The following SLCO1B3 variants were observed in gnomAD, a reference collection of about 807,000 sequenced individuals.
SLCO1B3 encodes liver-specific organic anion transporter 2.
Under a neutral mutation model 71.8 loss-of-function variants are expected in SLCO1B3, and 72 were observed. The observed-to-expected ratio is 1.00, with a 90% CI of 0.83 to 1.22. The LOEUF (loss-of-function observed/expected upper bound fraction) is 1.22. SLCO1B3 is among the 50% of genes most tolerant of loss of function. The pLI is 0.00. For synonymous variants in SLCO1B3, 298 were observed against 278.4 expected, an observed-to-expected ratio of 1.07 and a Z score of -0.70; for missense variants, 911 against 819.7, an observed-to-expected ratio of 1.11 and a Z score of -1.36.
chr12:20,820,109 T>TATGGAGGC (rs1348355046), intron 3 of SLCO1B3, among the ~76,000 whole-genome samples: 1 of 152,078 alleles, frequency 6.6e-6, no homozygotes, highest in African/African-American at 2.4e-5. Flanking sequence ...CCACAACAGT[T>TATGGAGGC]ATGGAGGCAA....
chr12:20,912,049 A>G lies in SLCO1B3; in HGVS notation c.1866-3955A>G, dbSNP rs1591794921. On this transcript the variant is annotated intron_variant, in intron 15 of 15. Transcript: ENST00000381545. ...TTAAGATATTCTTCATTTATCTCTAATTCTGCTTTCACTGCATCCATAACA... is the reference window on the plus strand; with the variant it reads ...TTAAGATATTCTTCATTTATCTCTAGTTCTGCTTTCACTGCATCCATAACA... 2.0e-5 allele frequency among the ~76,000 whole-genome samples: 3 copies of G among 152,246 alleles called. No individual in the cohort carries two copies. The East Asian group carries it at 5.8e-4, about 29-fold the overall frequency.
chr12:20,865,595 G>GT (rs1865357317), intron 8 of SLCO1B3, among the ~76,000 whole-genome samples: 1 of 152,008 alleles, frequency 6.6e-6, no homozygotes, highest in African/African-American at 2.4e-5. Context: ...CTTATACATA[G>GT]TTTTTTTGAT....
At chr12:20,908,263 A>C (rs1465808251) in intron 15 of SLCO1B3, among the ~76,000 whole-genome samples, 2 of 152,198 alleles carry the variant, frequency 1.3e-5, no homozygotes, top group Non-Finnish European at 2.9e-5. Context: ...ATTGAGGAGA[A>C]AGCACAGAGA....
chr12:20,822,850 A>G (rs1864344935), intron 3 of SLCO1B3, among the ~76,000 whole-genome samples: 1 of 152,102 alleles, frequency 6.6e-6, no homozygotes. Flanking sequence ...TTTGTTTCTT[A>G]TGTCATAGTG....
At chr12:20,905,673 C>G (rs1488186935) in intron 15 of SLCO1B3, among the ~76,000 whole-genome samples, 1 of 152,142 alleles carries the variant, frequency 6.6e-6, no homozygotes, top group African/African-American at 2.4e-5. Context: ...CTCCAGTTCC[C>G]CATAAGTTCC....
rs1865443345 is a variant in SLCO1B3, at chr12:20,869,667, C to G, written c.728-5568C>G. Among the ~76,000 whole-genome samples the G allele has an allele frequency of 2.0e-5, 3 of 152,190 alleles. No individual in the cohort carries two copies. The South Asian group carries it at 6.2e-4, about 32-fold the overall frequency. ...ACGTTATCACATATTGCAGGATGTCCTTTCTGTTTAAGGGTGAATAGCATT... is the reference window on the plus strand; with the variant it reads ...ACGTTATCACATATTGCAGGATGTCGTTTCTGTTTAAGGGTGAATAGCATT... On this transcript the variant is annotated intron_variant, in intron 8 of 15. Transcript: ENST00000381545.
Position 20,886,432 on chromosome 12 carries a change from C to T in SLCO1B3, c.1682+2830C>T, listed in dbSNP as rs569813864. On this transcript the variant is annotated intron_variant, in intron 13 of 15. Coordinates refer to ENST00000381545, the MANE Select transcript of SLCO1B3 (RefSeq NM_019844.4). ...AACTACATCCTAGGAACAACAGGCA[C>T]TCTAACTTTAGCGATTAATAATAGA... 2.6e-5 allele frequency among the ~76,000 whole-genome samples: 4 copies of T among 152,062 alleles called. 1 individual carries two copies. In the South Asian group the frequency reaches 6.2e-4, roughly 24 times the overall value.
chr12:20,859,892 G>C (rs927852611), intron 5 of SLCO1B3, among the ~76,000 whole-genome samples: 3 of 149,422 alleles, frequency 2.0e-5, no homozygotes, highest in Non-Finnish European at 4.4e-5. Context: ...CATTTAATCT[G>C]TCCTTCACAT....
chr12:20,829,125 C>T (rs1446150843), intron 3 of SLCO1B3, among the ~76,000 whole-genome samples: 4 of 152,054 alleles, frequency 2.6e-5, no homozygotes, highest in Non-Finnish European at 5.9e-5. Context: ...AAGACTGAAA[C>T]AACAAAAACA....
chr12:20,916,621 T>C lies in SLCO1B3; in HGVS notation c.*374T>C, dbSNP rs1033570097. The C allele has an allele frequency of 6.5e-6, 1 of 154,176 alleles. No homozygotes were observed. Among genetic ancestry groups the C allele is most frequent in the African/African-American group, 2.4e-5 (1 of 41,476 alleles). The allele number at this position is 154,176 out of a possible 1,614,324, so 9.6% of individuals were successfully genotyped here. A position where few individuals can be genotyped will look rare whatever the true frequency, so the allele number is the denominator to read the frequency against. Reference sequence around the variant, plus strand: ...AAAAAAATGAAACACTTTGGATGTATTACTTAGGCCAAAATCTGGCCTGGA... The same window carrying C: ...AAAAAAATGAAACACTTTGGATGTACTACTTAGGCCAAAATCTGGCCTGGA... On this transcript the variant is annotated 3_prime_UTR_variant, in exon 16 of 16. Coordinates refer to ENST00000381545, the MANE Select transcript of SLCO1B3 (RefSeq NM_019844.4).
intron 15 of SLCO1B3, among the ~76,000 whole-genome samples, chr12:20,903,596 C>A (rs1174073571): frequency 6.6e-6 from 1 of 151,992 alleles, no homozygotes; most frequent in Non-Finnish European, 1.5e-5. Context: ...AGGGAGAGAG[C>A]AAAGGGGGAA....
rs1866063305 is a variant in SLCO1B3, at chr12:20,898,515, T to C, written c.1747+15T>C. 23 of 1,328,776 alleles carry C rather than the reference T, an allele frequency of 1.7e-5. No individual in the cohort carries two copies. Among genetic ancestry groups the C allele is most frequent in the Non-Finnish European group, 2.4e-5 (23 of 942,232 alleles). The allele number at this position is 1,328,776 out of a possible 1,614,324, so 82.3% of individuals were successfully genotyped here. On this transcript the variant is annotated intron_variant, in intron 14 of 15. Transcript: ENST00000381545. Reference sequence around the variant, plus strand: ...AAGAACACTAGGTATGACAAATATATAGATTATACATTTTAACATATAAAT... The same window carrying C: ...AAGAACACTAGGTATGACAAATATACAGATTATACATTTTAACATATAAAT...
intron 15 of SLCO1B3, among the ~76,000 whole-genome samples, chr12:20,904,611 C>T (rs533125386): frequency 5.9e-5 from 9 of 152,042 alleles, no homozygotes; most frequent in South Asian, 2.1e-4. Context: ...GACAGTGGCC[C>T]TCTTCTTATA....
At chr12:20,828,078 AG>A (rs1434557512) in intron 3 of SLCO1B3, among the ~76,000 whole-genome samples, 1 of 152,150 alleles carries the variant, frequency 6.6e-6, no homozygotes, top group Middle Eastern at 3.2e-3. Context: ...TTATTTAGAT[AG>A]GTAGTTTTAA....
intron 15 of SLCO1B3, among the ~76,000 whole-genome samples, chr12:20,908,744 AATTG>A (rs1849724390): frequency 6.6e-6 from 1 of 152,190 alleles, no homozygotes; most frequent in Admixed American, 6.5e-5. Flanking sequence ...ACTGAACAAT[AATTG>A]ATTGTCTCAA....
At chr12:20,886,683 G>A (rs56971529) in intron 13 of SLCO1B3, among the ~76,000 whole-genome samples, 1 of 151,894 alleles carries the variant, frequency 6.6e-6, no homozygotes, top group African/African-American at 2.4e-5. Flanking sequence ...GCATGAAGAT[G>A]GGAGGTGAAA....
chr12:20,884,618 C>T (rs973231207), intron 13 of SLCO1B3, among the ~76,000 whole-genome samples: 1 of 151,932 alleles, frequency 6.6e-6, no homozygotes, highest in Non-Finnish European at 1.5e-5. Context: ...AAAATAAGCA[C>T]ACAATCACCT....
intron 8 of SLCO1B3, among the ~76,000 whole-genome samples, chr12:20,872,687 G>T (rs888679048): frequency 6.6e-6 from 1 of 152,000 alleles, no homozygotes; most frequent in African/African-American, 2.4e-5. Flanking sequence ...TCCCTTCAAG[G>T]CAGTGGATTC....
At chr12:20,910,048 C>T (rs1037192757) in intron 15 of SLCO1B3, among the ~76,000 whole-genome samples, 6 of 152,038 alleles carry the variant, frequency 3.9e-5, no homozygotes, top group East Asian at 1.9e-4. Context: ...AAGTCATAAC[C>T]GAATCCTAGG....
Sources: gnomAD v4.1 joint callset for allele counts (sites outside exome capture counted in the v4.1 genomes callset) on GRCh38, gnomAD v4.1.1 for gene constraint, MANE v1.5 for transcripts, NCBI Gene and HGNC (gene_info 2026-07-23, HGNC 2026-07-21) for gene names.